The following PCDHGC5 variants were observed in gnomAD, a reference collection of about 807,000 sequenced individuals.
PCDHGC5 encodes the protein protocadherin gamma-C5.
A neutral mutation model predicts 59.0 loss-of-function variants in PCDHGC5; 25 were observed. The observed-to-expected ratio is 0.42, with a 90% CI of 0.31 to 0.59. The LOEUF is 0.59. Among genes scored for constraint, PCDHGC5 ranks in the 20% least tolerant of loss-of-function variants. PCDHGC5 has a pLI of 0.13. For synonymous variants in PCDHGC5, 434 were observed against 505.5 expected (o/e 0.86, Z 1.90); for missense variants, 1,067 against 1,206.4 (o/e 0.88, Z 1.71).
In PCDHGC5 at chr5:141,505,470, C is replaced by T. The variant is rs1241228956; in HGVS notation, c.2597C>T (p.Ala866Val). Reference protein sequence around the residue: ...DTEMLQAMILASASEAADGSS... With the variant: ...DTEMLQAMILVSASEAADGSS... ...GAGATGCTGCAAGCCATGATCTTGG[C>T]GTCCGCCAGTGGTAAGTGGTGTCAG... The change falls in exon 3 of 4, where the codon GCG becomes GTG. Residue 866 changes from alanine (A) to valine (V), a missense_variant. By Grantham distance (64) the Ala-to-Val change is moderately conservative. Transcript: ENST00000252087. 2 of 1,614,068 alleles carry T rather than the reference C, an allele frequency of 1.2e-6. No individual in the cohort carries two copies. Among genetic ancestry groups the T allele is most frequent in the Non-Finnish European group, 8.5e-7 (1 of 1,180,010 alleles).
chr5:141,492,829 C>T (rs2099744241), intron 1 of PCDHGC5, among the ~76,000 whole-genome samples: 1 of 152,232 alleles, frequency 6.6e-6, no homozygotes, highest in Non-Finnish European at 1.5e-5. Context: ...CGGCCCCTTC[C>T]TCCCGCAGGA....
chr5:141,506,262 A>G (rs1395369571), intron 3 of PCDHGC5, among the ~76,000 whole-genome samples: 1 of 152,046 alleles, frequency 6.6e-6, no homozygotes, highest in Admixed American at 6.6e-5. Context: ...CGGCCTGGCC[A>G]ACATAGTGAA....
intron 2 of PCDHGC5, among the ~76,000 whole-genome samples, chr5:141,501,290 T>TACACACACACACAC (rs55762287): frequency 7.3e-6 from 1 of 136,164 alleles, no homozygotes; most frequent in Non-Finnish European, 1.6e-5. Context: ...TATTCCCTTA[T>TACACACACACACAC]ACACACACAC....
Position 141,489,316 on chromosome 5 carries a change from T to C in PCDHGC5, c.76T>C (p.Trp26Arg), listed in dbSNP as rs2099685399. The change falls in exon 1 of 4, where the codon TGG (tryptophan) becomes CGG (arginine). Residue 26 changes from tryptophan to arginine, a missense_variant. Trp to Arg is a moderately radical substitution (Grantham distance 101, BLOSUM62 -3). Transcript: ENST00000252087. This position sits in a 1 kb window ranked among gnomAD's most constrained non-coding sequence, Gnocchi z 4.5. The stretch of plus-strand genomic sequence containing the variant: ...CATGTTGTCCTTGTGCTGCTGGGGC[T>C]GGGTGTCTGGGCAGCTTCGTTACTC... ...LCMLSLCCWG[W>R]VSGQLRYSVV... The C allele has an allele frequency of 1.3e-6, 2 of 1,597,946 alleles. No individual in the cohort carries two copies. Among genetic ancestry groups the C allele is most frequent in the Admixed American group, 1.7e-5 (1 of 58,864 alleles).
At position 141,491,257 on chromosome 5, in the gene PCDHGC5, G is replaced by GAAAT. The variant is rs1562145331; in HGVS notation, c.2018_2021dup (p.Met674IlefsTer7). On this transcript the variant is annotated frameshift_variant, in exon 1 of 4. Transcript: ENST00000252087. LOFTEE classifies it high-confidence loss of function. The surrounding 1 kb of genome is among the most constrained non-coding windows in gnomAD (Gnocchi z 6.9). ...GGTTCTGGAGGATGAGGACCCTGAG[G>GAAAT]AAATGCCCAAATCCAGTGACTTCCT... is the stretch of plus-strand genomic sequence containing the variant. 6.2e-7 allele frequency: 1 copy of GAAAT among 1,614,170 alleles called. No individual in the cohort carries two copies. Among genetic ancestry groups the GAAAT allele is most frequent in the East Asian group, 2.2e-5 (1 of 44,884 alleles).
intron 2 of PCDHGC5, among the ~76,000 whole-genome samples, chr5:141,496,565 T>C (rs2099769541): frequency 6.6e-6 from 1 of 152,136 alleles, no homozygotes; most frequent in African/African-American, 2.4e-5. Context: ...CACAGTCCTG[T>C]CACCCATTTT....
chr5:141,492,948 CA>C (rs2099745260), intron 1 of PCDHGC5, among the ~76,000 whole-genome samples: 1 of 152,188 alleles, frequency 6.6e-6, no homozygotes, highest in Non-Finnish European at 1.5e-5. Flanking sequence ...TGGAGGTGAC[CA>C]AACTATCTGA....
intron 3 of PCDHGC5, among the ~76,000 whole-genome samples, chr5:141,507,805 G>C (rs2099863746): frequency 6.6e-6 from 1 of 152,204 alleles, no homozygotes; most frequent in Non-Finnish European, 1.5e-5. Flanking sequence ...TGCGCCCTGG[G>C]GAACGGACCC....
rs762908598 is a variant in PCDHGC5 at position 141,491,157 on chromosome 5, T to A, written c.1917T>A (p.Ser639=). The A allele has an allele frequency of 3.7e-6, 6 of 1,614,108 alleles. No homozygotes were observed. The Admixed American group carries it at 8.3e-5, about 22-fold the overall frequency. Residue 639 remains serine (S), a synonymous_variant, in exon 1 of 4, where the codon TCT becomes TCA. Transcript: ENST00000252087. The surrounding 1 kb of genome is among the most constrained non-coding windows in gnomAD (Gnocchi z 6.9). ...RTARALLEDD[S]DTQQVVVLVR... ...CCCGGGCCTTACTGGAGGATGACTC[T>A]GACACCCAGCAGGTGGTGGTCCTGG...
chr5:141,495,873 C>G (rs2099764359), intron 2 of PCDHGC5, among the ~76,000 whole-genome samples: 1 of 152,146 alleles, frequency 6.6e-6, no homozygotes, highest in Admixed American at 6.6e-5. Flanking sequence ...CTGCTTTCCT[C>G]TCTGTTCTTT....
chr5:141,493,250 C>T lies in PCDHGC5; in HGVS notation c.2460+1550C>T, dbSNP rs1330348553. On this transcript the variant is annotated intron_variant, in intron 1 of 3. Coordinates refer to ENST00000252087, the MANE Select transcript of PCDHGC5 (RefSeq NM_018929.3). The surrounding 1 kb of genome is among the most constrained non-coding windows in gnomAD (Gnocchi z 4.3). ...TGCTGTTGGCTAGGTACTAACATGC[C>T]TCTCTTATAACAGCTTCACAGAGGT... Among the ~76,000 whole-genome samples the T allele has an allele frequency of 1.3e-5, 2 of 152,154 alleles. No homozygotes were observed. Among genetic ancestry groups the T allele is most frequent in the Non-Finnish European group, 2.9e-5 (2 of 68,024 alleles).
Position 141,491,166 on chromosome 5 carries a change from G to A in PCDHGC5, c.1926G>A (p.Gln642=). 1 of 1,614,150 alleles carries A rather than the reference G, an allele frequency of 6.2e-7. No individual in the cohort carries two copies. The highest frequency in any genetic ancestry group is 8.5e-7 in the Non-Finnish European group (1 of 1,179,964). ...TACTGGAGGATGACTCTGACACCCA[G>A]CAGGTGGTGGTCCTGGTGAGGGACA... ...RALLEDDSDT[Q]QVVVLVRDNG... The change falls in exon 1 of 4, where the codon CAG becomes CAA. Residue 642 remains glutamine, a synonymous_variant. Transcript: ENST00000252087. The surrounding 1 kb of genome is among the most constrained non-coding windows in gnomAD (Gnocchi z 6.9).
chr5:141,495,205 C>T (rs977479495), intron 2 of PCDHGC5, among the ~76,000 whole-genome samples: 1 of 152,212 alleles, frequency 6.6e-6, no homozygotes, highest in African/African-American at 2.4e-5. Flanking sequence ...TACTGCCTAA[C>T]CCCCTCCCCT....
At chr5:141,500,929 C>T (rs1347340945) in intron 2 of PCDHGC5, among the ~76,000 whole-genome samples, 2 of 151,210 alleles carry the variant, frequency 1.3e-5, no homozygotes, top group South Asian at 2.1e-4. Flanking sequence ...GGTGCAGTGG[C>T]GCCATCTCGG....
At chr5:141,495,710 G>C (rs2099763133) in intron 2 of PCDHGC5, among the ~76,000 whole-genome samples, 1 of 152,148 alleles carries the variant, frequency 6.6e-6, no homozygotes, top group Non-Finnish European at 1.5e-5. Flanking sequence ...TGTGGAGTGA[G>C]TAACTACACG....
chr5:141,504,351 G>A (rs77439649), intron 2 of PCDHGC5, among the ~76,000 whole-genome samples: 2 of 152,010 alleles, frequency 1.3e-5, no homozygotes, highest in African/African-American at 4.8e-5. Context: ...CTTTGTGCTA[G>A]GTGCTTCAGT....
At position 141,493,262 on chromosome 5, in the gene PCDHGC5, A is replaced by G. The variant is rs148431133; in HGVS notation, c.2461-1545A>G. ...GGTACTAACATGCCTCTCTTATAAC[A>G]GCTTCACAGAGGTCAAGTGACTTGC... is the stretch of plus-strand genomic sequence containing the variant. On this transcript the variant is annotated intron_variant, in intron 1 of 3. Transcript: ENST00000252087. This position sits in a 1 kb window ranked among gnomAD's most constrained non-coding sequence, Gnocchi z 4.3. 5.1e-4 allele frequency among the ~76,000 whole-genome samples: 78 copies of G among 152,302 alleles called. No homozygotes were observed. Among genetic ancestry groups the G allele is most frequent in the African/African-American group, 1.7e-3 (72 of 41,574 alleles).
At position 141,511,246 on chromosome 5, in the gene PCDHGC5, G is replaced by A; in HGVS notation, c.*73G>A. 2 of 1,578,734 alleles carry A rather than the reference G, an allele frequency of 1.3e-6. No homozygotes were observed. Among genetic ancestry groups the A allele is most frequent in the Non-Finnish European group, 1.7e-6 (2 of 1,162,472 alleles). On this transcript the variant is annotated 3_prime_UTR_variant, in exon 4 of 4. Coordinates refer to ENST00000252087, the MANE Select transcript of PCDHGC5 (RefSeq NM_018929.3). The stretch of plus-strand genomic sequence containing the variant: ...CCAGCTTCTCCTTACCTGCACCCAG[G>A]CCTCAGAGTTTCAGGGCTAACCCCC...
rs747159210 is a variant in PCDHGC5, at chr5:141,511,184, A to C, written c.*11A>C. 1.2e-5 allele frequency: 19 copies of C among 1,613,876 alleles called. No homozygotes were observed. In the Admixed American group the frequency reaches 3.2e-4, roughly 27 times the overall value. ...AAGGAGAAGAAGTAACATGGAGGCC[A>C]GGCCAAGAGCCACAGGGCGGCCTCT... is the stretch of plus-strand genomic sequence containing the variant. On this transcript the variant is annotated 3_prime_UTR_variant, in exon 4 of 4. Transcript: ENST00000252087.
Sources: allele counts gnomAD v4.1 joint callset (sites outside exome capture counted in the v4.1 genomes callset), GRCh38; gene constraint gnomAD v4.1.1; non-coding constraint Gnocchi (gnomAD v3.1); transcripts MANE v1.5; gene names NCBI Gene and HGNC (gene_info 2026-07-23, HGNC 2026-07-21).